Variants in TRIO observed in about 807,000 individuals in gnomAD.
TRIO encodes the protein trio Rho guanine nucleotide exchange factor, also known as triple functional domain protein.
A neutral mutation model predicts 351.9 loss-of-function variants in TRIO; 58 were observed. That is an observed-to-expected ratio of 0.16 (90% CI 0.13 to 0.21). The LOEUF is 0.21. Ranked by LOEUF, TRIO falls within the 10% of genes least tolerant of loss-of-function variation. The probability of loss-of-function intolerance (pLI) is 1.00; values close to 1 mark genes in which losing one functional copy is unlikely to be tolerated. For missense variants in TRIO, 3,201 were observed against 4,027.8 expected, an observed-to-expected ratio of 0.79 and a Z score of 5.56; for synonymous variants, 1,758 against 1,595.7, an observed-to-expected ratio of 1.10 and a Z score of -2.42.
intron 1 of TRIO, among the ~76,000 whole-genome samples, chr5:14,230,289 G>A (rs943844732): frequency 1.3e-5 from 2 of 151,896 alleles, no homozygotes; most frequent in Admixed American, 6.6e-5. Flanking sequence ...CTATGCTCAG[G>A]ATTTTTACTT....
chr5:14,337,068 A>G (rs1305869995), intron 11 of TRIO, among the ~76,000 whole-genome samples: 4 of 152,174 alleles, frequency 2.6e-5, no homozygotes, highest in African/African-American at 9.7e-5. Flanking sequence ...AACCTGTCAC[A>G]TGGCTGCCAA....
At chr5:14,358,044 CG>C in intron 11 of TRIO, 133 bp from the exon 12 acceptor site, 1 of 1,082,046 alleles carries the variant, frequency 9.2e-7, no homozygotes. Context: ...TCCTTCCCTC[CG>C]GGAGTGGTCT....
At chr5:14,205,350 C>A (rs540177846) in intron 1 of TRIO, among the ~76,000 whole-genome samples, 2 of 152,164 alleles carry the variant, frequency 1.3e-5, no homozygotes, top group African/African-American at 4.8e-5. Context: ...TAATTGTCCC[C>A]GTAATGTAGC....
rs1176823111 is a variant in TRIO, at chr5:14,381,320, GAAATA to G, written c.3570+69_3570+73del. 1.3e-5 allele frequency: 19 copies of G among 1,519,088 alleles called. 1 individual carries two copies. In the African/African-American group the frequency reaches 2.2e-4, roughly 18 times the overall value. The allele number at this position is 1,519,088 out of a possible 1,614,324, so 94.1% of individuals were successfully genotyped here. A position where few individuals can be genotyped will look rare whatever the true frequency, so the allele number is the denominator to read the frequency against. On this transcript the variant is annotated intron_variant, in intron 21 of 56. Transcript: ENST00000344204. ...AGCGAGTCTTCAAAAATATCATAAA[GAAATA>G]CCTCATGAGATTGGAGAAAAGGATG...
intron 1 of TRIO, among the ~76,000 whole-genome samples, chr5:14,223,565 G>A (rs1253858267): frequency 6.6e-6 from 1 of 152,144 alleles, no homozygotes; most frequent in Non-Finnish European, 1.5e-5. Flanking sequence ...ATCTTATTAC[G>A]TAAAGAAACA....
At chr5:14,441,606 G>A (rs1278477442) in intron 34 of TRIO, among the ~76,000 whole-genome samples, 4 of 152,188 alleles carry the variant, frequency 2.6e-5, no homozygotes, top group African/African-American at 9.7e-5. Flanking sequence ...TGTGTTGTAA[G>A]ACCTTTTTAA....
At chr5:14,409,180 G>A (rs530423662) in intron 33 of TRIO, among the ~76,000 whole-genome samples, 5 of 152,154 alleles carry the variant, frequency 3.3e-5, no homozygotes, top group African/African-American at 7.2e-5. Context: ...CCCCTAAGGC[G>A]CGTGGCTGAT....
chr5:14,217,959 A>AT (rs1204048280), intron 1 of TRIO, among the ~76,000 whole-genome samples: 20 of 152,396 alleles, frequency 1.3e-4, no homozygotes, highest in African/African-American at 7.2e-5. Flanking sequence ...GAAATCAAGC[A>AT]TTTAAAAACA....
rs1756049079 is a variant in TRIO at position 14,487,639 on chromosome 5, GC to G, written c.7014del (p.Ser2339ProfsTer74). ...GCGCCCCCAGCACGAGCAGGAGCCG[GC>G]CCTCCCGGATCCCCCAGCCTGTCCG... The part of the protein sequence containing the change: ...GGAPSTSRSR[P>X]SRIPQPVRHH... On this transcript the variant is annotated frameshift_variant, in exon 48 of 57. Transcript: ENST00000344204. LOFTEE classifies it high-confidence loss of function. The G allele has an allele frequency of 8.0e-7, 1 of 1,250,016 alleles. No homozygotes were observed. Among genetic ancestry groups the G allele is most frequent in the Non-Finnish European group, 1.0e-6 (1 of 985,728 alleles). The allele number at this position is 1,250,016 out of a possible 1,614,324, so 77.4% of individuals were successfully genotyped here.
At chr5:14,374,406 C>A in intron 19 of TRIO, 63 bp downstream of exon 19, 2 of 1,302,620 alleles carry the variant, frequency 1.5e-6, no homozygotes, top group Non-Finnish European at 2.2e-6. Flanking sequence ...ACAAAAGGAG[C>A]CTGCACGTTG....
intron 1 of TRIO, among the ~76,000 whole-genome samples, chr5:14,149,323 A>G (rs1787691021): frequency 6.6e-6 from 1 of 152,220 alleles, no homozygotes; most frequent in Non-Finnish European, 1.5e-5. Context: ...CTGTGCAGAC[A>G]GTCTTGCTTT....
chr5:14,264,243 G>T (rs1040367505), intron 1 of TRIO, among the ~76,000 whole-genome samples: 32 of 151,650 alleles, frequency 2.1e-4, no homozygotes, highest in African/African-American at 7.8e-4. Flanking sequence ...TTAAAAAATA[G>T]AACTATTTTA....
intron 1 of TRIO, among the ~76,000 whole-genome samples, chr5:14,184,996 C>T (rs768229133): frequency 6.6e-5 from 10 of 152,116 alleles, no homozygotes; most frequent in Non-Finnish European, 1.3e-4. Flanking sequence ...CCTCCTTATT[C>T]GGGTCCATCT....
At chr5:14,400,293 T>C (rs1288700781) in intron 30 of TRIO, among the ~76,000 whole-genome samples, 2 of 152,192 alleles carry the variant, frequency 1.3e-5, no homozygotes, top group Non-Finnish European at 2.9e-5. Context: ...ATTTATCTTT[T>C]AGAAGTTAAG....
chr5:14,443,943 GGAATCT>G (rs2126370096), intron 34 of TRIO, among the ~76,000 whole-genome samples: 1 of 152,272 alleles, frequency 6.6e-6, no homozygotes, highest in African/African-American at 2.4e-5. Context: ...TAGGACAGAT[GGAATCT>G]ATTCCAGTGC....
chr5:14,311,551 T>G (rs1358191556), intron 8 of TRIO, among the ~76,000 whole-genome samples: 1 of 152,250 alleles, frequency 6.6e-6, no homozygotes, highest in African/African-American at 2.4e-5. Flanking sequence ...GAAGACAGAT[T>G]GGAACCTCCT....
In TRIO at chr5:14,381,583, C is replaced by T. The variant is rs986506257; in HGVS notation, c.3570+331C>T. On this transcript the variant is annotated intron_variant, in intron 21 of 56. Transcript: ENST00000344204. ...CTGAGGACTTGCTATTTTTATGAAA[C>T]ACTATTTGGTGTCCCCAAGTTGACC... is the stretch of plus-strand genomic sequence containing the variant. Among the ~76,000 whole-genome samples the T allele has an allele frequency of 2.6e-5, 4 of 152,154 alleles. No homozygotes were observed. The East Asian group carries it at 7.7e-4, about 29-fold the overall frequency.
At position 14,486,749 on chromosome 5, in the gene TRIO, C is replaced by T. The variant is rs145868862; in HGVS notation, c.6836-715C>T. Among the ~76,000 whole-genome samples, 969 of 152,192 alleles carry T rather than the reference C, an allele frequency of 6.4e-3. 11 individuals carry two copies. Among genetic ancestry groups the T allele is most frequent in the South Asian group, 0.026 (125 of 4,818 alleles). On this transcript the variant is annotated intron_variant, in intron 47 of 56. Coordinates refer to ENST00000344204, the MANE Select transcript of TRIO (RefSeq NM_007118.4). ...GGGCTGGGAGCTTGGGACCCTTTCA[C>T]CTGCTTCTTGCACACCCCTTAGTCC...
chr5:14,196,592 G>A (rs562275888), intron 1 of TRIO, among the ~76,000 whole-genome samples: 79 of 152,174 alleles, frequency 5.2e-4, no homozygotes, highest in Middle Eastern at 3.4e-3. Flanking sequence ...CCCATGACTT[G>A]AAATCATTAT....
Sources: allele counts gnomAD v4.1 joint callset (sites outside exome capture counted in the v4.1 genomes callset), GRCh38; gene constraint gnomAD v4.1.1; transcripts MANE v1.5; gene names NCBI Gene and HGNC (gene_info 2026-07-23, HGNC 2026-07-21).